The following IGSF21 variants were observed in gnomAD, a reference collection of about 807,000 sequenced individuals.
IGSF21 encodes immunoglobin superfamily member 21, also known as immunoglobulin superfamily member 21.
A neutral mutation model predicts 46.8 loss-of-function variants in IGSF21; 28 were observed. The observed-to-expected ratio is 0.60, with a 90% CI of 0.44 to 0.82. The LOEUF (loss-of-function observed/expected upper bound fraction) is 0.82. Ranked by LOEUF, IGSF21 falls within the 40% of genes least tolerant of loss-of-function variation. IGSF21 has a pLI of 0.00. For missense variants in IGSF21, 624 were observed against 665.5 expected (o/e 0.94, Z 0.69); for synonymous variants, 284 against 273.6 (o/e 1.04, Z -0.38).
chr1:18,173,036 C>T (rs2086756588), intron 1 of IGSF21, among the ~76,000 whole-genome samples: 2 of 152,210 alleles, frequency 1.3e-5, no homozygotes, highest in African/African-American at 4.8e-5. Flanking sequence ...CGCCTGTAAT[C>T]CTAGCACTTT....
chr1:18,279,425 T>C lies in IGSF21; in HGVS notation c.184-12441T>C, dbSNP rs184726923. On this transcript the variant is annotated intron_variant, in intron 2 of 9. Transcript: ENST00000251296. ...AAGGAAGCAATGAGTAGGGCCTGCATATGCTCTATCGTAACCCCTCAAGTG... is the reference window on the plus strand; with the variant it reads ...AAGGAAGCAATGAGTAGGGCCTGCACATGCTCTATCGTAACCCCTCAAGTG... 3.1e-4 allele frequency among the ~76,000 whole-genome samples: 47 copies of C among 152,310 alleles called. No homozygotes were observed. In the East Asian group the frequency reaches 6.6e-3, roughly 21 times the overall value.
intron 5 of IGSF21, among the ~76,000 whole-genome samples, chr1:18,363,735 G>C (rs995147060): frequency 7.3e-5 from 11 of 151,382 alleles, no homozygotes; most frequent in Admixed American, 7.2e-4. Context: ...ATGGGCAGGG[G>C]AGTAGAGACA....
At chr1:18,300,120 G>T (rs563578895) in intron 3 of IGSF21, among the ~76,000 whole-genome samples, 1 of 152,274 alleles carries the variant, frequency 6.6e-6, no homozygotes, top group South Asian at 2.1e-4. Context: ...CACTGGTGGT[G>T]TCTATACCAC....
intron 2 of IGSF21, among the ~76,000 whole-genome samples, chr1:18,268,909 T>C (rs2085015931): frequency 6.6e-6 from 1 of 152,158 alleles, no homozygotes; most frequent in Admixed American, 6.5e-5. Context: ...GAAACACATA[T>C]AGGACAGGCC....
At chr1:18,167,843 C>T (rs956209644) in intron 1 of IGSF21, 1 of 152,216 alleles carries the variant, frequency 6.6e-6, no homozygotes, top group Non-Finnish European at 1.5e-5. Flanking sequence ...AGGGCACTCT[C>T]AGGTTCCCGG....
intron 2 of IGSF21, among the ~76,000 whole-genome samples, chr1:18,287,159 C>T (rs1341702621): frequency 4.8e-4 from 62 of 129,622 alleles, no homozygotes; most frequent in African/African-American, 1.7e-3. Context: ...CCAGCCTGGG[C>T]GACAGAGCGA....
At chr1:18,200,752 C>A (rs1249529372) in intron 1 of IGSF21, among the ~76,000 whole-genome samples, 1 of 152,226 alleles carries the variant, frequency 6.6e-6, no homozygotes, top group African/African-American at 2.4e-5. Context: ...GCTCACCCTA[C>A]AATGCTACCT....
chr1:18,244,929 C>G (rs2084770282), intron 2 of IGSF21, among the ~76,000 whole-genome samples: 1 of 152,180 alleles, frequency 6.6e-6, no homozygotes, highest in South Asian at 2.1e-4. Flanking sequence ...CACTTAGAAG[C>G]TGTGTGACTT....
chr1:18,174,899 C>T (rs2086780433), intron 1 of IGSF21, among the ~76,000 whole-genome samples: 1 of 152,226 alleles, frequency 6.6e-6, no homozygotes, highest in African/African-American at 2.4e-5. Flanking sequence ...CATTCTGAGC[C>T]AAATGGTAGC....
chr1:18,306,740 G>T (rs530751368), intron 3 of IGSF21, among the ~76,000 whole-genome samples: 105 of 152,356 alleles, frequency 6.9e-4, no homozygotes, highest in African/African-American at 2.5e-3. Context: ...CAGAGCCATA[G>T]GGTGAGCTGG....
intron 2 of IGSF21, among the ~76,000 whole-genome samples, chr1:18,238,569 A>G (rs769132795): frequency 6.6e-6 from 1 of 152,050 alleles, no homozygotes; most frequent in African/African-American, 2.4e-5. Context: ...TGGCAAGGAG[A>G]CCACTTCCCT....
intron 1 of IGSF21, among the ~76,000 whole-genome samples, chr1:18,135,433 C>T (rs1479947626): frequency 2.0e-5 from 3 of 148,300 alleles, no homozygotes; most frequent in Non-Finnish European, 4.5e-5. Context: ...CACAACAGTC[C>T]CCAGTGTGTG....
intron 2 of IGSF21, among the ~76,000 whole-genome samples, chr1:18,246,201 T>C (rs773467721): frequency 2.0e-5 from 3 of 152,038 alleles, no homozygotes; most frequent in Non-Finnish European, 4.4e-5. Flanking sequence ...CCTCCCTGAG[T>C]CTGTGAATGA....
intron 2 of IGSF21, among the ~76,000 whole-genome samples, chr1:18,245,544 T>G (rs2084776131): frequency 6.6e-6 from 1 of 152,224 alleles, no homozygotes. Context: ...ATCCTACAAA[T>G]TAGATGAATT....
intron 6 of IGSF21, among the ~76,000 whole-genome samples, chr1:18,375,167 T>A (rs1302065318): frequency 6.6e-6 from 1 of 152,180 alleles, no homozygotes; most frequent in Admixed American, 6.5e-5. Flanking sequence ...TCATCCTGTT[T>A]TGCGTATGTG....
At chr1:18,169,676 C>G (rs2086717084) in intron 1 of IGSF21, among the ~76,000 whole-genome samples, 1 of 152,150 alleles carries the variant, frequency 6.6e-6, no homozygotes, top group Non-Finnish European at 1.5e-5. Context: ...GCCTGATTAA[C>G]AGAAATGAAA....
At chr1:18,254,441 A>G (rs1194433681) in intron 2 of IGSF21, among the ~76,000 whole-genome samples, 6 of 152,116 alleles carry the variant, frequency 3.9e-5, no homozygotes, top group Non-Finnish European at 1.5e-5. Flanking sequence ...CTTTAACCCT[A>G]ACCCTAGAGT....
intron 4 of IGSF21, among the ~76,000 whole-genome samples, chr1:18,338,540 C>T (rs2085795306): frequency 6.6e-6 from 1 of 152,172 alleles, no homozygotes; most frequent in South Asian, 2.1e-4. Flanking sequence ...CGGCCCAGGG[C>T]CCACCTGCCT....
intron 2 of IGSF21, among the ~76,000 whole-genome samples, chr1:18,240,158 G>A (rs547632066): frequency 6.6e-6 from 1 of 152,302 alleles, no homozygotes; most frequent in Non-Finnish European, 1.5e-5. Flanking sequence ...GCTTACACCT[G>A]TAGTCCCAGC....
Sources: allele counts gnomAD v4.1 joint callset (sites outside exome capture counted in the v4.1 genomes callset), GRCh38; gene constraint gnomAD v4.1.1; transcripts MANE v1.5; gene names NCBI Gene and HGNC (gene_info 2026-07-23, HGNC 2026-07-21).